The following PIGN variants were observed in gnomAD, a reference collection of about 807,000 sequenced individuals.
PIGN encodes phosphatidylinositol glycan anchor biosynthesis class N, also known as GPI ethanolamine phosphate transferase 1.
Under a neutral mutation model 125.4 loss-of-function variants are expected in PIGN, and 117 were observed. The ratio of observed to expected loss-of-function variants is 0.93; its 90% CI spans 0.80 to 1.09. The LOEUF is 1.09. PIGN is among the 50% of genes least tolerant of loss of function. The pLI, the probability that PIGN is intolerant of heterozygous loss-of-function variation, is 0.00. For synonymous variants in PIGN, 392 were observed against 377.8 expected (o/e 1.04, Z -0.44); for missense variants, 1,075 against 1,094.9 (o/e 0.98, Z 0.26).
At chr18:62,149,290 C>T (rs1466031281) in intron 7 of PIGN, among the ~76,000 whole-genome samples, 5 of 152,134 alleles carry the variant, frequency 3.3e-5, no homozygotes, top group African/African-American at 1.2e-4. Context: ...TATAACCTAT[C>T]ATCCTTCTCA....
In PIGN at chr18:62,044,185, A is replaced by G. The variant is rs989291396; in HGVS notation, c.*1671T>C. The G allele has an allele frequency of 3.3e-5, 5 of 152,228 alleles. No homozygotes were observed. The highest frequency in any genetic ancestry group is 7.2e-5 in the African/African-American group (3 of 41,458). The allele number at this position is 152,228 out of a possible 1,614,324, so 9.4% of individuals were successfully genotyped here. On this transcript the variant is annotated 3_prime_UTR_variant, in exon 31 of 31. Transcript: ENST00000640252. ...CAAAATTAAGAAAAAGATATGCCTC[A>G]AAGAGCAAAATAAAGAAAGATAAAA... is the stretch of plus-strand genomic sequence containing the variant.
At position 62,139,005 on chromosome 18, in the gene PIGN, A is replaced by T; in HGVS notation, c.1094T>A (p.Val365Glu). ...TACCTTGAACTGTTCAAGAATCTGT[A>T]CTGCATTTGTAAACATGCTCTCTGC... The part of the protein sequence containing the change: ...FKAESMFTNA[V>E]QILEQFKVKM... The change falls in exon 13 of 31, where the codon GTA (valine) becomes GAA (glutamate). Residue 365 changes from valine to glutamate, a missense_variant. Around this residue, in one of 3 missense-constraint regions of PIGN, gnomAD observed 915 missense variants for 908.7 expected, o/e 1.01. Coordinates refer to ENST00000640252, the MANE Select transcript of PIGN (RefSeq NM_176787.5). The T allele has an allele frequency of 6.2e-7, 1 of 1,607,462 alleles. No individual in the cohort carries two copies. The highest frequency in any genetic ancestry group is 8.5e-7 in the Non-Finnish European group (1 of 1,175,610).
intron 30 of PIGN, among the ~76,000 whole-genome samples, chr18:62,067,136 A>C (rs1349847152): frequency 6.6e-6 from 1 of 152,158 alleles, no homozygotes; most frequent in Non-Finnish European, 1.5e-5. Context: ...TTTTACAGCA[A>C]CCACTCTAAC....
At position 62,162,329 on chromosome 18, in the gene PIGN, T is replaced by C. The variant is rs1371389994; in HGVS notation, c.-109A>G. ...TGTAATTTGCTATTGTTGGTGAATCTCTGCAGATCGAGGAGAAAAAAAAAA... is the reference window on the plus strand; with the variant it reads ...TGTAATTTGCTATTGTTGGTGAATCCCTGCAGATCGAGGAGAAAAAAAAAA... On this transcript the variant is annotated splice_region_variant and 5_prime_UTR_variant, in exon 3 of 31. Coordinates refer to ENST00000640252, the MANE Select transcript of PIGN (RefSeq NM_176787.5). 1 of 152,068 alleles carries C rather than the reference T, an allele frequency of 6.6e-6. No individual in the cohort carries two copies. The highest frequency in any genetic ancestry group is 1.5e-5 in the Non-Finnish European group (1 of 67,982). 9.4% of individuals were successfully genotyped at this position (152,068 alleles called of 1,614,324 possible).
At chr18:62,121,876 G>GAT (rs894618588) in intron 14 of PIGN, among the ~76,000 whole-genome samples, 3 of 149,964 alleles carry the variant, frequency 2.0e-5, no homozygotes, top group African/African-American at 7.3e-5. Flanking sequence ...CTTTCTTTTA[G>GAT]ATATATATAC....
At chr18:62,063,583 C>A (rs1189429725) in intron 30 of PIGN, among the ~76,000 whole-genome samples, 1 of 150,584 alleles carries the variant, frequency 6.6e-6, no homozygotes, top group Non-Finnish European at 1.5e-5. Flanking sequence ...TCATGTCCAT[C>A]TGTCTGTCTA....
chr18:62,109,915 A>G lies in PIGN; in HGVS notation c.1493T>C (p.Phe498Ser). The change falls in exon 17 of 31, where the codon TTT (phenylalanine) becomes TCT (serine). Residue 498 changes from phenylalanine (F) to serine (S), a missense_variant. Coordinates refer to ENST00000640252, the MANE Select transcript of PIGN (RefSeq NM_176787.5). ...FVAIGILVAFFLLIQACPWTY... is the reference protein window; with the variant it reads ...FVAIGILVAFSLLIQACPWTY... ...CCAGGGACAGGCTTGAATCAGCAGA[A>G]AAAATGCTACTAAAATGCCAATAGC... 1 of 1,613,424 alleles carries G rather than the reference A, an allele frequency of 6.2e-7. No homozygotes were observed. Among genetic ancestry groups the G allele is most frequent in the Non-Finnish European group, 8.5e-7 (1 of 1,179,506 alleles).
At chr18:62,063,291 A>ATACAAAATCTAT in intron 30 of PIGN, among the ~76,000 whole-genome samples, 9 of 145,064 alleles carry the variant, frequency 6.2e-5, no homozygotes, top group Admixed American at 2.0e-4. Flanking sequence ...TATAGATTTT[A>ATACAAAATCTAT]GCCAAAATCT....
chr18:62,029,679 G>C (rs2030167891), intron 23 of PIGN, among the ~76,000 whole-genome samples: 1 of 152,152 alleles, frequency 6.6e-6, no homozygotes, highest in Non-Finnish European at 1.5e-5. Context: ...GGAGGCGGAG[G>C]GGAGAAGGGA....
At chr18:62,139,307 C>T (rs981038278) in intron 12 of PIGN, among the ~76,000 whole-genome samples, 2 of 152,152 alleles carry the variant, frequency 1.3e-5, no homozygotes, top group Admixed American at 6.5e-5. Context: ...TTCAGTAACA[C>T]CTGGCATTGG....
chr18:62,086,076 T>C (rs1236926099), intron 25 of PIGN, among the ~76,000 whole-genome samples: 1 of 152,158 alleles, frequency 6.6e-6, no homozygotes, highest in African/African-American at 2.4e-5. Context: ...GTTTATTGTC[T>C]AGTAGATGTC....
intron 14 of PIGN, among the ~76,000 whole-genome samples, chr18:62,120,569 T>C (rs1382961350): frequency 6.6e-6 from 1 of 152,018 alleles, no homozygotes; most frequent in African/African-American, 2.4e-5. Context: ...TACTTATAAT[T>C]AAAATATATA....
intron 17 of PIGN, among the ~76,000 whole-genome samples, chr18:62,109,083 T>C (rs531875679): frequency 6.6e-6 from 1 of 152,292 alleles, no homozygotes; most frequent in African/African-American, 2.4e-5. Flanking sequence ...GAAAATACTT[T>C]GATATCCATG....
At position 62,062,882 on chromosome 18, in the gene PIGN, C is replaced by CTTTTTTTTTTTTTTTTT. The variant is rs71160811; in HGVS notation, c.2672+9774_2672+9790dup. On this transcript the variant is annotated intron_variant, in intron 30 of 30. Transcript: ENST00000640252. ...ATTTGTTTTATGCTTTTGTATTCTG[C>CTTTTTTTTTTTTTTTTT]TTTTTTTTTTTTTTTTTTTTTTTTT... 7.1e-4 allele frequency among the ~76,000 whole-genome samples: 15 copies of CTTTTTTTTTTTTTTTTT among 21,062 alleles called. 1 individual carries two copies. Among genetic ancestry groups the CTTTTTTTTTTTTTTTTT allele is most frequent in the Middle Eastern group, 0.023 (1 of 44 alleles). The allele number at this position is 21,062 out of a possible 152,430, so 13.8% of individuals were successfully genotyped here. A position where few individuals can be genotyped will look rare whatever the true frequency, so the allele number is the denominator to read the frequency against.
At chr18:62,091,576 C>G (rs55749267) in intron 23 of PIGN, among the ~76,000 whole-genome samples, 25,976 of 152,094 alleles carry the variant, frequency 0.17, 2,946 homozygotes, top group Middle Eastern at 0.29. Flanking sequence ...TTTACAGAAG[C>G]AGGAAACAGA....
At chr18:62,139,223 T>C in intron 12 of PIGN, 148 bp from the exon 13 acceptor site, 2 of 548,796 alleles carry the variant, frequency 3.6e-6, no homozygotes, top group Non-Finnish European at 6.6e-6. Context: ...TTTAAAACTA[T>C]AACTGAAAGA....
intron 30 of PIGN, among the ~76,000 whole-genome samples, chr18:62,062,968 G>A (rs187751027): frequency 8.6e-5 from 12 of 140,066 alleles, no homozygotes; most frequent in African/African-American, 3.2e-4. Context: ...GTAAAGGAAT[G>A]TTAAGGATAA....
intron 30 of PIGN, among the ~76,000 whole-genome samples, chr18:62,050,587 A>G (rs936464410): frequency 6.6e-6 from 1 of 151,462 alleles, no homozygotes; most frequent in Non-Finnish European, 1.5e-5. Flanking sequence ...TTATCAGCTT[A>G]AGGAGATTTT....
intron 2 of PIGN, chr18:62,162,559 G>A (rs2036993002): frequency 6.6e-6 from 1 of 152,030 alleles, no homozygotes; most frequent in Non-Finnish European, 1.5e-5. Context: ...TCAAAGTCAA[G>A]CAGATTATAA....
Sources: gnomAD v4.1 joint callset for allele counts (sites outside exome capture counted in the v4.1 genomes callset) on GRCh38, gnomAD v4.1.1 for gene constraint, gnomAD v4.1.1 regional missense constraint, MANE v1.5 for transcripts, NCBI Gene and HGNC (gene_info 2026-07-23, HGNC 2026-07-21) for gene names.